Variants in WWTR1 observed in about 807,000 individuals in gnomAD.
The protein encoded by WWTR1 is WW domain-containing transcription regulator protein 1.
A neutral mutation model predicts 40.1 loss-of-function variants in WWTR1; 13 were observed. The ratio of observed to expected loss-of-function variants is 0.32; its 90% CI spans 0.21 to 0.52. The LOEUF is 0.52. Among genes scored for constraint, WWTR1 ranks in the 20% least tolerant of loss-of-function variants. The pLI is 0.97. For synonymous variants in WWTR1, 230 were observed against 210.1 expected, an observed-to-expected ratio of 1.09 and a Z score of -0.82; for missense variants, 436 against 523.1, an observed-to-expected ratio of 0.83 and a Z score of 1.63.
At chr3:149,612,185 C>CT (rs1739764409) in intron 2 of WWTR1, among the ~76,000 whole-genome samples, 1 of 152,106 alleles carries the variant, frequency 6.6e-6, no homozygotes. Context: ...AACAGGAATG[C>CT]TTTTTTGGGG....
chr3:149,596,936 T>A (rs1380023708), intron 2 of WWTR1, among the ~76,000 whole-genome samples: 3 of 152,180 alleles, frequency 2.0e-5, no homozygotes, highest in African/African-American at 7.2e-5. Flanking sequence ...TACCAATATC[T>A]ATGACACACA....
chr3:149,645,102 C>T (rs988646795), intron 2 of WWTR1, among the ~76,000 whole-genome samples: 5 of 149,290 alleles, frequency 3.3e-5, no homozygotes, highest in East Asian at 2.0e-4. Context: ...TTTTTTGAGA[C>T]GGAGTCTCGA....
chr3:149,530,578 T>A (rs1241446571), intron 4 of WWTR1, among the ~76,000 whole-genome samples: 3 of 151,680 alleles, frequency 2.0e-5, no homozygotes, highest in Non-Finnish European at 2.9e-5. Flanking sequence ...CCTAGCTATT[T>A]CCAGTAAATA....
intron 5 of WWTR1, among the ~76,000 whole-genome samples, chr3:149,708,678 T>C (rs1340416741): frequency 1.3e-5 from 2 of 152,230 alleles, no homozygotes; most frequent in Non-Finnish European, 2.9e-5. Context: ...AATAATATTC[T>C]AGCATATGCT....
chr3:149,562,629 A>G (rs1004287102), intron 3 of WWTR1, among the ~76,000 whole-genome samples: 15 of 151,282 alleles, frequency 9.9e-5, no homozygotes, highest in African/African-American at 3.2e-4. Context: ...ACACACACAC[A>G]CACACACACA....
intron 4 of WWTR1, among the ~76,000 whole-genome samples, chr3:149,719,180 C>A (rs961877664): frequency 9.1e-6 from 1 of 109,692 alleles, no homozygotes; most frequent in African/African-American, 3.4e-5. Flanking sequence ...TTTTTTTTTT[C>A]TTTTTTGAGA....
chr3:149,622,482 G>GAA (rs1560089606), intron 2 of WWTR1, among the ~76,000 whole-genome samples: 42 of 113,430 alleles, frequency 3.7e-4, no homozygotes, highest in African/African-American at 1.3e-3. Flanking sequence ...AGGAAGGAAG[G>GAA]AAGGAAGGAA....
chr3:149,610,854 C>G (rs955207401), intron 2 of WWTR1, among the ~76,000 whole-genome samples: 5 of 152,296 alleles, frequency 3.3e-5, no homozygotes, highest in African/African-American at 1.2e-4. Context: ...TCATAAGAAG[C>G]CTTACTGTCC....
At position 149,565,211 on chromosome 3, in the gene WWTR1, T is replaced by A. The variant is rs192150211; in HGVS notation, c.568+7653A>T. On this transcript the variant is annotated intron_variant, in intron 3 of 6. Transcript: ENST00000360632. Reference sequence around the variant, plus strand: ...CAGAAAATAAATAAATAAATAAATTTATTTATTTTCATATTTCAGGCATTT... The same window carrying A: ...CAGAAAATAAATAAATAAATAAATTAATTTATTTTCATATTTCAGGCATTT... Among the ~76,000 whole-genome samples the A allele has an allele frequency of 3.2e-4, 48 of 152,170 alleles. 1 individual carries two copies. The highest frequency in any genetic ancestry group is 2.3e-3 in the Admixed American group (35 of 15,294).
chr3:149,683,887 G>A (rs992588550), intron 1 of WWTR1, among the ~76,000 whole-genome samples: 5 of 152,040 alleles, frequency 3.3e-5, no homozygotes, highest in Admixed American at 1.3e-4. Context: ...TGTAGTTTGA[G>A]TGGCACTGTG....
chr3:149,588,019 C>T (rs1354485725), intron 2 of WWTR1, among the ~76,000 whole-genome samples: 2 of 152,134 alleles, frequency 1.3e-5, no homozygotes, highest in Non-Finnish European at 2.9e-5. Flanking sequence ...CTTTTATTCC[C>T]AGAAAACAAT....
intron 3 of WWTR1, among the ~76,000 whole-genome samples, chr3:149,547,290 C>T (rs969857424): frequency 6.0e-5 from 9 of 148,946 alleles, no homozygotes; most frequent in Non-Finnish European, 1.2e-4. Flanking sequence ...TTTGGGAGGT[C>T]GAGGCAGATG....
intron 2 of WWTR1, among the ~76,000 whole-genome samples, chr3:149,585,384 C>T (rs1738374981): frequency 6.6e-6 from 1 of 152,142 alleles, no homozygotes; most frequent in South Asian, 2.1e-4. Flanking sequence ...ATCTGCCTGC[C>T]TCGGCCTCCC....
At chr3:149,530,803 C>T (rs1030335162) in intron 4 of WWTR1, among the ~76,000 whole-genome samples, 1 of 152,160 alleles carries the variant, frequency 6.6e-6, no homozygotes, top group African/African-American at 2.4e-5. Flanking sequence ...ACCCTGAAGA[C>T]TTAATCACCA....
At chr3:149,692,617 CTGTTTGTTTGTT>C (rs138842308) in intron 1 of WWTR1, among the ~76,000 whole-genome samples, 12 of 150,998 alleles carry the variant, frequency 7.9e-5, no homozygotes, top group South Asian at 6.3e-4. Context: ...ACTTTCACCA[CTGTTTGTTTGTT>C]TGTTTGTTTG....
chr3:149,689,173 G>A (rs539781050), intron 1 of WWTR1, among the ~76,000 whole-genome samples: 2 of 152,102 alleles, frequency 1.3e-5, no homozygotes, highest in East Asian at 3.9e-4. Flanking sequence ...CTTGAGCTCA[G>A]GAGTTCAAGA....
chr3:149,536,978 TACTC>T (rs1459413127), intron 4 of WWTR1, among the ~76,000 whole-genome samples: 1 of 152,060 alleles, frequency 6.6e-6, no homozygotes, highest in Non-Finnish European at 1.5e-5. Flanking sequence ...TGAAAAGAAA[TACTC>T]TCTTCAGGTA....
intron 2 of WWTR1, among the ~76,000 whole-genome samples, chr3:149,575,835 T>C (rs1737852469): frequency 2.0e-5 from 3 of 151,852 alleles, no homozygotes; most frequent in African/African-American, 7.3e-5. Flanking sequence ...CCAGCCTAAA[T>C]CCCCTGGGAC....
chr3:149,588,645 G>C (rs1738551163), intron 2 of WWTR1, among the ~76,000 whole-genome samples: 1 of 151,952 alleles, frequency 6.6e-6, no homozygotes, highest in Non-Finnish European at 1.5e-5. Flanking sequence ...GGGGAAGTAG[G>C]CTTTATTCAT....
Sources: allele counts gnomAD v4.1 joint callset (sites outside exome capture counted in the v4.1 genomes callset), GRCh38; gene constraint gnomAD v4.1.1; transcripts MANE v1.5; gene names NCBI Gene and HGNC (gene_info 2026-07-23, HGNC 2026-07-21).